NADK: variants seen among roughly 807,000 people sequenced by gnomAD.
NADK encodes NAD kinase, also known as poly(P)/ATP NAD kinase.
In NADK, 22 loss-of-function variants were observed where a neutral mutation model predicts 49.8. The observed-to-expected ratio is 0.44, with a 90% confidence interval of 0.32 to 0.63. The LOEUF is 0.63. Ranked by LOEUF, NADK falls within the 30% of genes least tolerant of loss-of-function variation. The pLI, the probability that NADK is intolerant of heterozygous loss-of-function variation, is 0.06. For synonymous variants in NADK, 268 were observed against 253.7 expected (o/e 1.06, Z -0.54); for missense variants, 438 against 609.4 (o/e 0.72, Z 2.96).
intron 6 of NADK, chr1:1,755,865 G>T: frequency 2.3e-6 from 1 of 437,156 alleles, no homozygotes. Flanking sequence ...ACATGCAGTG[G>T]GCCAAGGGCA....
intron 1 of NADK, among the ~76,000 whole-genome samples, chr1:1,773,745 A>AC (rs1646127589): frequency 6.6e-6 from 1 of 150,642 alleles, no homozygotes. Flanking sequence ...AGAGAGAGAA[A>AC]TAGAGATATT....
At chr1:1,762,530 T>A (rs550361283) in intron 2 of NADK, among the ~76,000 whole-genome samples, 1 of 151,992 alleles carries the variant, frequency 6.6e-6, no homozygotes, top group South Asian at 2.1e-4. Context: ...CTGAGGTGGG[T>A]GGATCACGTG....
chr1:1,761,140 G>A (rs373198875), intron 3 of NADK, among the ~76,000 whole-genome samples: 71 of 152,252 alleles, frequency 4.7e-4, no homozygotes, highest in African/African-American at 1.6e-3. Context: ...TTATAGGCAC[G>A]CGCCACCATG....
rs576125411 is a variant in NADK, at chr1:1,760,614, C to T, written c.263+1338G>A. ...CCAGCAGCCTGCGCGCTGGAACACTCGGCCCTTCCGCATGGTCCTCCCTTG... is the reference window on the plus strand; with the variant it reads ...CCAGCAGCCTGCGCGCTGGAACACTTGGCCCTTCCGCATGGTCCTCCCTTG... On this transcript the variant is annotated intron_variant, in intron 3 of 11. Coordinates refer to ENST00000341426, the MANE Select transcript of NADK (RefSeq NM_023018.5). 2.2e-4 allele frequency among the ~76,000 whole-genome samples: 33 copies of T among 152,216 alleles called. No individual in the cohort carries two copies. In the East Asian group the frequency reaches 2.7e-3, roughly 13 times the overall value.
intron 3 of NADK, 195 bp downstream of exon 3, chr1:1,761,757 C>A: frequency 1.9e-6 from 1 of 538,650 alleles, no homozygotes; most frequent in Non-Finnish European, 3.4e-6. Flanking sequence ...GGGAGGACGC[C>A]CATGTGGCTT....
In NADK at chr1:1,757,193, C is replaced by T. The variant is rs370554210; in HGVS notation, c.381G>A (p.Thr127=). The change falls in exon 4 of 12, where the codon ACG becomes ACA. Residue 127 remains threonine, a synonymous_variant. Transcript: ENST00000341426. ...CTGCCCCGCGTGCCTCCATGAGGTG[C>T]GTGCAGAGCTCCTTGAACGGCTGCA... ...SLLQPFKELC[T]HLMEENMIVY... is the part of the protein sequence containing the mutation. 130 of 1,329,474 alleles carry T rather than the reference C, an allele frequency of 9.8e-5. No homozygotes were observed. Among genetic ancestry groups the T allele is most frequent in the East Asian group, 1.5e-4 (4 of 26,932 alleles). 82.4% of individuals were successfully genotyped at this position (1,329,474 alleles called of 1,614,324 possible). A position where few individuals can be genotyped will look rare whatever the true frequency, so the allele number is the denominator to read the frequency against.
At chr1:1,765,842 G>A (rs1316496620) in intron 1 of NADK, among the ~76,000 whole-genome samples, 1 of 152,146 alleles carries the variant, frequency 6.6e-6, no homozygotes, top group African/African-American at 2.4e-5. Context: ...CCCAGGAGGT[G>A]GAGGCTGCAG....
intron 6 of NADK, 199 bp downstream of exon 6, chr1:1,756,059 C>A (rs920313528): frequency 4.9e-6 from 3 of 618,492 alleles, no homozygotes; most frequent in Non-Finnish European, 8.6e-6. Context: ...CACCCCCAGC[C>A]GTAGCACTGT....
intron 3 of NADK, chr1:1,759,031 T>C: frequency 1.4e-6 from 2 of 1,446,028 alleles, no homozygotes; most frequent in Non-Finnish European, 1.8e-6. Context: ...TCCTCCGGCC[T>C]GGTCAGCCAG....
At chr1:1,765,491 G>T (rs560799251) in intron 1 of NADK, 45 bp from the exon 2 acceptor site, 883 of 971,588 alleles carry the variant, frequency 9.1e-4, no homozygotes, top group Non-Finnish European at 1.2e-3. Flanking sequence ...AAATAAATAT[G>T]TATGAAACAA....
chr1:1,764,149 C>T (rs1645814372), intron 2 of NADK, among the ~76,000 whole-genome samples: 1 of 152,196 alleles, frequency 6.6e-6, no homozygotes, highest in South Asian at 2.1e-4. Context: ...GCCACCACGT[C>T]AGAGGCGCTA....
chr1:1,770,062 G>A (rs1646002257), intron 1 of NADK, among the ~76,000 whole-genome samples: 1 of 152,058 alleles, frequency 6.6e-6, no homozygotes, highest in Non-Finnish European at 1.5e-5. Flanking sequence ...AGCTATGCAG[G>A]AGGCTGAGGA....
chr1:1,754,686 A>ACAG lies in NADK; in HGVS notation c.698_700dup (p.Ala233dup). The ACAG allele has an allele frequency of 6.2e-7, 1 of 1,612,256 alleles. No individual in the cohort carries two copies. Among genetic ancestry groups the ACAG allele is most frequent in the Non-Finnish European group, 8.5e-7 (1 of 1,179,118 alleles). On this transcript the variant is annotated inframe_insertion, in exon 8 of 12. Coordinates refer to ENST00000341426, the MANE Select transcript of NADK (RefSeq NM_023018.5). This position sits in a 1 kb window ranked among gnomAD's most constrained non-coding sequence, Gnocchi z 4.3. ...GACCTTCAGCCGACTCCGGAGAACA[A>ACAG]CAGCTGCGTTCCCTGAGGTCCAGCA...
intron 1 of NADK, among the ~76,000 whole-genome samples, chr1:1,776,633 C>T (rs1459500243): frequency 3.3e-5 from 5 of 151,862 alleles, no homozygotes; most frequent in African/African-American, 9.7e-5. Flanking sequence ...ATTAGCTGAG[C>T]GTGGTGGTGG....
At chr1:1,769,707 G>A (rs533914245) in intron 1 of NADK, among the ~76,000 whole-genome samples, 2 of 150,554 alleles carry the variant, frequency 1.3e-5, no homozygotes, top group African/African-American at 4.9e-5. Context: ...TAACCTGGGC[G>A]ACAGAGCAAG....
At position 1,754,168 on chromosome 1, in the gene NADK, C is replaced by T. The variant is rs575481173; in HGVS notation, c.984G>A (p.Ala328=). 34 of 1,612,310 alleles carry T rather than the reference C, an allele frequency of 2.1e-5. No homozygotes were observed. The highest frequency in any genetic ancestry group is 2.0e-4 in the South Asian group (18 of 91,038). The change falls in exon 10 of 12, where the codon GCG becomes GCA. Residue 328 remains alanine, a synonymous_variant. Transcript: ENST00000341426. The surrounding 1 kb of genome is among the most constrained non-coding windows in gnomAD (Gnocchi z 4.3). ...VSTPTGSTAY[A]AAAGASMIHP... is the part of the protein sequence containing the mutation. ...GGATCATGGAGGCCCCGGCCGCGGCCGCATACGCCGTGCTGCCCGTCGGGG... is the reference window on the plus strand; with the variant it reads ...GGATCATGGAGGCCCCGGCCGCGGCTGCATACGCCGTGCTGCCCGTCGGGG...
rs749249829 is a variant in NADK at position 1,754,101 on chromosome 1, G to T, written c.1051C>A (p.His351Asn). The T allele has an allele frequency of 1.9e-6, 3 of 1,606,726 alleles. No individual in the cohort carries two copies. Among genetic ancestry groups the T allele is most frequent in the Non-Finnish European group, 2.6e-6 (3 of 1,176,298 alleles). The change falls in exon 10 of 12, where the codon CAC becomes AAC. Residue 351 changes from histidine (H) to asparagine (N), a missense_variant. Coordinates refer to ENST00000341426, the MANE Select transcript of NADK (RefSeq NM_023018.5). The surrounding 1 kb of genome is among the most constrained non-coding windows in gnomAD (Gnocchi z 4.3). ...ACGATGGGCCGGAAGGACAGCGAGT[G>T]GGGGCAGATGGGCGTGATCATGATG... The part of the protein sequence containing the change: ...PAIMITPICP[H>N]SLSFRPIVVP...
At chr1:1,755,620 C>A (rs146797485) in intron 6 of NADK, 144 bp from the exon 7 acceptor site, 6 of 666,454 alleles carry the variant, frequency 9.0e-6, no homozygotes, top group South Asian at 1.8e-5. Flanking sequence ...TGTGGACAAG[C>A]GGAGGGGGAC....
intron 3 of NADK, chr1:1,758,521 G>T (rs186024117): frequency 1.2e-6 from 2 of 1,608,434 alleles, no homozygotes; most frequent in Non-Finnish European, 1.7e-6. Flanking sequence ...GCGAACACGC[G>T]GCCGCCCCAT....
Sources: gnomAD v4.1 joint callset for allele counts (sites outside exome capture counted in the v4.1 genomes callset) on GRCh38, gnomAD v4.1.1 for gene constraint, Gnocchi (gnomAD v3.1) non-coding constraint, MANE v1.5 for transcripts, NCBI Gene and HGNC (gene_info 2026-07-23, HGNC 2026-07-21) for gene names.